The following VPS35L variants were observed in gnomAD, a reference collection of about 807,000 sequenced individuals.
VPS35L encodes the protein VPS35 endosomal protein-sorting factor-like.
In VPS35L, 83 loss-of-function variants were observed where a neutral mutation model predicts 133.0. The ratio of observed to expected loss-of-function variants is 0.62; its 90% CI spans 0.52 to 0.75. The LOEUF is 0.75. Ranked by LOEUF, VPS35L falls within the 30% of genes least tolerant of loss-of-function variation. VPS35L has a pLI of 0.00. For synonymous variants in VPS35L, 423 were observed against 449.9 expected, an observed-to-expected ratio of 0.94 and a Z score of 0.76; for missense variants, 1,083 against 1,206.8, an observed-to-expected ratio of 0.90 and a Z score of 1.52.
At chr16:19,685,461 C>T (rs1975424897) in intron 28 of VPS35L, among the ~76,000 whole-genome samples, 1 of 152,102 alleles carries the variant, frequency 6.6e-6, no homozygotes, top group African/African-American at 2.4e-5. Context: ...GTGGCCAGGT[C>T]CAGTTTGGGG....
chr16:19,636,861 C>T (rs1973637394), intron 19 of VPS35L, among the ~76,000 whole-genome samples: 1 of 152,188 alleles, frequency 6.6e-6, no homozygotes, highest in Admixed American at 6.5e-5. Context: ...CGGTAACCAT[C>T]AGTATCTGGG....
intron 29 of VPS35L, among the ~76,000 whole-genome samples, chr16:19,692,155 C>T (rs939383951): frequency 1.6e-4 from 24 of 152,088 alleles, no homozygotes; most frequent in African/African-American, 4.1e-4. Flanking sequence ...GGATTATAGG[C>T]GTGAGCCACT....
chr16:19,608,583 A>G (rs1031847348), intron 10 of VPS35L: 1 of 389,094 alleles, frequency 2.6e-6, no homozygotes, highest in Non-Finnish European at 4.6e-6. Flanking sequence ...TCTGATTCCA[A>G]GAACTTGAAA....
rs963330531 is a variant in VPS35L, at chr16:19,639,778, C to T, written c.1699-237C>T. On this transcript the variant is annotated intron_variant, in intron 20 of 30. Transcript: ENST00000417362. The surrounding 1 kb of genome is among the most constrained non-coding windows in gnomAD (Gnocchi z 4.1). ...TCCTGGCCTCAAGTGATCCACCCGC[C>T]TCAGCCTCCCAAAGTGCTGGGATTA... 3.3e-5 allele frequency among the ~76,000 whole-genome samples: 5 copies of T among 152,210 alleles called. No homozygotes were observed. The highest frequency in any genetic ancestry group is 9.6e-5 in the African/African-American group (4 of 41,470).
intron 22 of VPS35L, among the ~76,000 whole-genome samples, chr16:19,644,475 C>T (rs976393764): frequency 3.9e-5 from 6 of 152,150 alleles, no homozygotes; most frequent in African/African-American, 7.2e-5. Flanking sequence ...TAGGCTCAAA[C>T]GAACCTGCTA....
At chr16:19,611,928 TG>T (rs1972735307) in intron 12 of VPS35L, 1 of 151,826 alleles carries the variant, frequency 6.6e-6, no homozygotes, top group Non-Finnish European at 1.5e-5. Flanking sequence ...AGATATTGTT[TG>T]CATATTTCTT....
intron 14 of VPS35L, 90 bp from the exon 15 acceptor site, chr16:19,626,087 T>G (rs1973252724): frequency 1.2e-6 from 1 of 816,330 alleles, no homozygotes. Flanking sequence ...GCTACATTCA[T>G]TTTAGAGTTC....
chr16:19,587,427 T>TG, intron 7 of VPS35L: 1 of 424,628 alleles, frequency 2.4e-6, no homozygotes, highest in African/African-American at 2.1e-5. Flanking sequence ...GTCGGGAGTT[T>TG]AAGACCAGCC....
intron 27 of VPS35L, among the ~76,000 whole-genome samples, chr16:19,674,971 G>A (rs1017314969): frequency 7.2e-6 from 1 of 137,990 alleles, no homozygotes; most frequent in Non-Finnish European, 1.6e-5. Flanking sequence ...TTTTTTTTGA[G>A]ACAGGATCTC....
chr16:19,662,193 G>T (rs377723631), intron 26 of VPS35L, among the ~76,000 whole-genome samples: 21 of 151,962 alleles, frequency 1.4e-4, no homozygotes, highest in East Asian at 5.8e-4. Context: ...GCAGAGCAAG[G>T]CCCTGTCTCA....
intron 23 of VPS35L, among the ~76,000 whole-genome samples, chr16:19,647,483 G>A (rs1035954922): frequency 3.9e-5 from 6 of 152,146 alleles, no homozygotes; most frequent in African/African-American, 1.4e-4. Context: ...AGAAAGGTGT[G>A]ACTGTTACGA....
chr16:19,698,218 T>C (rs1056417474), intron 29 of VPS35L, among the ~76,000 whole-genome samples: 2 of 152,186 alleles, frequency 1.3e-5, no homozygotes, highest in African/African-American at 4.8e-5. Flanking sequence ...GATCATGGAC[T>C]GAGATCCTGT....
intron 26 of VPS35L, among the ~76,000 whole-genome samples, chr16:19,664,130 G>A (rs887126235): frequency 2.6e-5 from 4 of 152,062 alleles, no homozygotes; most frequent in East Asian, 1.9e-4. Context: ...GCATTTACTC[G>A]TCATATATAC....
intron 14 of VPS35L, among the ~76,000 whole-genome samples, chr16:19,623,040 G>C (rs1039305803): frequency 6.6e-6 from 1 of 152,090 alleles, no homozygotes; most frequent in Non-Finnish European, 1.5e-5. Flanking sequence ...AGCATCCAGG[G>C]AATCTTTGAT....
chr16:19,645,694 C>T (rs1207889479), intron 23 of VPS35L, among the ~76,000 whole-genome samples: 1 of 152,176 alleles, frequency 6.6e-6, no homozygotes, highest in Non-Finnish European at 1.5e-5. Context: ...TGCAGCCCAG[C>T]AGGTGGGATT....
intron 1 of VPS35L, among the ~76,000 whole-genome samples, chr16:19,561,487 G>A (rs1971027929): frequency 6.6e-6 from 1 of 152,216 alleles, no homozygotes; most frequent in Admixed American, 6.5e-5. Context: ...AATGACATGG[G>A]AGCTCAATTC....
At chr16:19,561,766 G>A (rs1245087724) in intron 1 of VPS35L, among the ~76,000 whole-genome samples, 1 of 152,116 alleles carries the variant, frequency 6.6e-6, no homozygotes, top group Non-Finnish European at 1.5e-5. Context: ...CTGTTTTACT[G>A]GGATGGGATA....
At chr16:19,617,141 ATTTT>A in intron 14 of VPS35L, 3 of 559,858 alleles carry the variant, frequency 5.4e-6, no homozygotes, top group Non-Finnish European at 9.4e-6. Flanking sequence ...GGATCACTTG[ATTTT>A]AGGAGTTTGA....
intron 14 of VPS35L, chr16:19,617,091 C>T (rs1479141554): frequency 1.7e-6 from 1 of 601,342 alleles, no homozygotes; most frequent in Admixed American, 2.9e-5. Flanking sequence ...TGGGTGTGCT[C>T]ATATCTGTAA....
Sources: gnomAD v4.1 joint callset for allele counts (sites outside exome capture counted in the v4.1 genomes callset) on GRCh38, gnomAD v4.1.1 for gene constraint, Gnocchi (gnomAD v3.1) non-coding constraint, MANE v1.5 for transcripts, NCBI Gene and HGNC (gene_info 2026-07-23, HGNC 2026-07-21) for gene names.